WDR7: variants seen among roughly 807,000 people sequenced by gnomAD.
WDR7 encodes WD repeat domain 7, also known as WD repeat-containing protein 7.
A neutral mutation model predicts 169.4 loss-of-function variants in WDR7; 46 were observed. The observed-to-expected ratio is 0.27, with a 90% CI of 0.21 to 0.35. The LOEUF (loss-of-function observed/expected upper bound fraction) is 0.35. Among genes scored for constraint, WDR7 ranks in the 10% least tolerant of loss-of-function variants. The pLI is 1.00. For synonymous variants in WDR7, 612 were observed against 666.8 expected, an observed-to-expected ratio of 0.92 and a Z score of 1.27; for missense variants, 1,534 against 1,859.3, an observed-to-expected ratio of 0.83 and a Z score of 3.22.
At chr18:56,705,909 A>G (rs2144686060) in intron 12 of WDR7, among the ~76,000 whole-genome samples, 1 of 152,304 alleles carries the variant, frequency 6.6e-6, no homozygotes, top group Non-Finnish European at 1.5e-5. Flanking sequence ...GAGGCAGGAA[A>G]GTCCCTTGAA....
chr18:57,007,737 CTACAATGTG>C (rs1186767416), intron 26 of WDR7, among the ~76,000 whole-genome samples: 1 of 152,110 alleles, frequency 6.6e-6, no homozygotes, highest in African/African-American at 2.4e-5. Flanking sequence ...TATTTCAGGT[CTACAATGTG>C]TACAATGAGC....
chr18:56,994,045 G>T (rs943262576), intron 26 of WDR7, among the ~76,000 whole-genome samples: 2 of 147,882 alleles, frequency 1.4e-5, no homozygotes, highest in African/African-American at 5.0e-5. Flanking sequence ...CTTGAGACAG[G>T]GTCTCACTGT....
chr18:56,994,600 T>A (rs897186393), intron 26 of WDR7, among the ~76,000 whole-genome samples: 2 of 152,262 alleles, frequency 1.3e-5, no homozygotes, highest in Non-Finnish European at 2.9e-5. Context: ...CAAACTCTTA[T>A]GATGTTGGCT....
chr18:56,923,622 GGA>G (rs1450814874), intron 21 of WDR7, among the ~76,000 whole-genome samples: 1 of 152,122 alleles, frequency 6.6e-6, no homozygotes, highest in Non-Finnish European at 1.5e-5. Flanking sequence ...CCTGAGTTAG[GGA>G]GAAACATTGT....
chr18:56,669,394 A>G (rs1042422674), intron 1 of WDR7, among the ~76,000 whole-genome samples: 1 of 152,144 alleles, frequency 6.6e-6, no homozygotes, highest in African/African-American at 2.4e-5. Context: ...ACTAGTGACA[A>G]AATGAGAAGT....
chr18:56,759,702 G>T lies in WDR7; in HGVS notation c.2848+749G>T, dbSNP rs139959141. ...GAGAAAAGTAAAGAAGTAAGCAACA[G>T]ATGGGTTGATGCAGCTTCTGCTTAT... On this transcript the variant is annotated intron_variant, in intron 16 of 27. Coordinates refer to ENST00000254442, the MANE Select transcript of WDR7 (RefSeq NM_015285.3). Among the ~76,000 whole-genome samples the T allele has an allele frequency of 1.2e-4, 19 of 152,306 alleles. No individual in the cohort carries two copies. The East Asian group carries it at 2.9e-3, about 23-fold the overall frequency.
At chr18:56,751,514 T>G (rs1599015534) in intron 14 of WDR7, among the ~76,000 whole-genome samples, 1 of 152,234 alleles carries the variant, frequency 6.6e-6, no homozygotes. Flanking sequence ...TGGTGGGCTC[T>G]TCTTTTACCT....
chr18:56,829,878 C>T (rs897795570), intron 20 of WDR7, among the ~76,000 whole-genome samples: 1 of 151,986 alleles, frequency 6.6e-6, no homozygotes, highest in Non-Finnish European at 1.5e-5. Context: ...AAAGGAGAAC[C>T]CAATTTTTAT....
intron 14 of WDR7, among the ~76,000 whole-genome samples, chr18:56,748,560 C>G (rs1404944091): frequency 2.6e-5 from 4 of 152,030 alleles, no homozygotes; most frequent in Non-Finnish European, 5.9e-5. Flanking sequence ...TAAGTGATTT[C>G]TATTTTATTT....
chr18:56,753,095 T>C (rs2043821145), intron 14 of WDR7: 1 of 152,184 alleles, frequency 6.6e-6, no homozygotes, highest in Non-Finnish European at 1.5e-5. Flanking sequence ...TGTTGAAGTC[T>C]CTTAAGCTAG....
intron 3 of WDR7, among the ~76,000 whole-genome samples, chr18:56,680,388 C>T (rs1359732536): frequency 6.6e-6 from 1 of 152,068 alleles, no homozygotes; most frequent in African/African-American, 2.4e-5. Context: ...AAATTGTTCT[C>T]CCCACTGAAG....
intron 19 of WDR7, among the ~76,000 whole-genome samples, chr18:56,796,644 T>A (rs1245672537): frequency 6.6e-6 from 1 of 152,182 alleles, no homozygotes; most frequent in African/African-American, 2.4e-5. Flanking sequence ...TGTTATCAAG[T>A]TTGCAGGTGC....
intron 21 of WDR7, among the ~76,000 whole-genome samples, chr18:56,912,770 A>T (rs938715350): frequency 1.3e-5 from 2 of 152,140 alleles, no homozygotes; most frequent in African/African-American, 4.8e-5. Context: ...CAGTCTTGAC[A>T]TTGCTTTTCA....
At chr18:57,005,693 GA>G (rs1416560697) in intron 26 of WDR7, among the ~76,000 whole-genome samples, 1 of 152,024 alleles carries the variant, frequency 6.6e-6, no homozygotes, top group African/African-American at 2.4e-5. Context: ...GTTTTTCAAA[GA>G]AAAAAATATT....
intron 11 of WDR7, 60 bp from the exon 12 acceptor site, chr18:56,696,182 C>T (rs2025698984): frequency 2.2e-6 from 3 of 1,373,654 alleles, no homozygotes; most frequent in Admixed American, 4.6e-5. Context: ...TTTACTTTTA[C>T]TTACTGAAAC....
At chr18:56,826,388 G>A (rs2045204508) in intron 20 of WDR7, among the ~76,000 whole-genome samples, 1 of 152,080 alleles carries the variant, frequency 6.6e-6, no homozygotes, top group Admixed American at 6.6e-5. Flanking sequence ...ATAGATGTCG[G>A]GTTCTGAAGA....
Position 56,682,705 on chromosome 18 carries a change from G to A in WDR7, c.372G>A (p.Gln124=). 1 of 1,613,558 alleles carries A rather than the reference G, an allele frequency of 6.2e-7. No individual in the cohort carries two copies. Among genetic ancestry groups the A allele is most frequent in the Non-Finnish European group, 8.5e-7 (1 of 1,179,708 alleles). ...IQFYQFSVGN[Q]REGRLLCHGH... is the part of the protein sequence containing the mutation. ...TCTACCAGTTCTCTGTTGGGAATCA[G>A]CGAGAAGGAAGGCTTTTATGCCACG... The change falls in exon 5 of 28, where the codon CAG becomes CAA. Residue 124 remains glutamine, a synonymous_variant. Coordinates refer to ENST00000254442, the MANE Select transcript of WDR7 (RefSeq NM_015285.3).
chr18:56,867,135 C>T (rs2045893619), intron 20 of WDR7, among the ~76,000 whole-genome samples: 1 of 152,122 alleles, frequency 6.6e-6, no homozygotes, highest in Non-Finnish European at 1.5e-5. Context: ...AGCGATTCTC[C>T]CATCTCAGCC....
At chr18:56,735,770 T>G (rs2026685751) in intron 14 of WDR7, among the ~76,000 whole-genome samples, 1 of 152,170 alleles carries the variant, frequency 6.6e-6, no homozygotes, top group African/African-American at 2.4e-5. Context: ...TGCTTTATAG[T>G]GTGAAAGCAG....
Sources: allele counts gnomAD v4.1 joint callset (sites outside exome capture counted in the v4.1 genomes callset), GRCh38; gene constraint gnomAD v4.1.1; transcripts MANE v1.5; gene names NCBI Gene and HGNC (gene_info 2026-07-23, HGNC 2026-07-21).